Variants in CELSR1 observed in about 807,000 individuals in gnomAD.
CELSR1 encodes adhesion G protein-coupled receptor C1.
Under a neutral mutation model 249.1 loss-of-function variants are expected in CELSR1, and 110 were observed. That is an observed-to-expected ratio of 0.44 (90% CI 0.38 to 0.52). CELSR1 has a LOEUF of 0.52. Among genes scored for constraint, CELSR1 ranks in the 20% least tolerant of loss-of-function variants. The pLI is 0.00. For synonymous variants in CELSR1, 2,113 were observed against 1,900.0 expected, an observed-to-expected ratio of 1.11 and a Z score of -2.92; for missense variants, 4,109 against 4,296.4, an observed-to-expected ratio of 0.96 and a Z score of 1.22.
At chr22:46,480,377 A>T (rs1402025856) in intron 1 of CELSR1, among the ~76,000 whole-genome samples, 2 of 152,176 alleles carry the variant, frequency 1.3e-5, no homozygotes, top group African/African-American at 4.8e-5. Flanking sequence ...GATGACCAGA[A>T]ATGGGGATCC....
chr22:46,533,534 G>A (rs1602250503), intron 1 of CELSR1, 93 bp downstream of exon 1: 18 of 1,481,382 alleles, frequency 1.2e-5, no homozygotes, highest in African/African-American at 8.4e-5. Context: ...GCCCAATTGC[G>A]CCCCGGCATG....
In CELSR1 at chr22:46,463,834, C is replaced by T. The variant is rs202029675; in HGVS notation, c.4056G>A (p.Pro1352=). The T allele has an allele frequency of 3.4e-5, 54 of 1,611,544 alleles. 1 individual carries two copies. The East Asian group carries it at 7.1e-4, about 21-fold the overall frequency. The stretch of plus-strand genomic sequence containing the variant: ...CGCAGTAGTCGCCGGTGAAGCCGGG[C>T]GGGCAGCGGCAGCGCAGGCCGTTGA... ...HPINGLRCRC[P]PGFTGDYCET... Residue 1352 remains proline, a synonymous_variant, in exon 2 of 35, where the codon CCG becomes CCA. Transcript: ENST00000674500.
Position 46,492,798 on chromosome 22 carries a change from A to G in CELSR1, c.3545-28453T>C, listed in dbSNP as rs573352331. 7.0e-4 allele frequency among the ~76,000 whole-genome samples: 106 copies of G among 152,274 alleles called. 3 individuals are homozygous for G. The Middle Eastern group carries it at 0.014, about 20-fold the overall frequency. On this transcript the variant is annotated intron_variant, in intron 1 of 34. Coordinates refer to ENST00000674500, the MANE Select transcript of CELSR1 (RefSeq NM_001378328.1). Reference sequence around the variant, plus strand: ...CAGTAGAGGTTGCCAACAGTGAGCCAAGATAGCCAAGATCATGCCACTGCA... The same window carrying G: ...CAGTAGAGGTTGCCAACAGTGAGCCGAGATAGCCAAGATCATGCCACTGCA...
chr22:46,500,340 A>G lies in CELSR1; in HGVS notation c.3544+33287T>C, dbSNP rs1299061371. On this transcript the variant is annotated intron_variant, in intron 1 of 34. Coordinates refer to ENST00000674500, the MANE Select transcript of CELSR1 (RefSeq NM_001378328.1). The surrounding 1 kb of genome is among the most constrained non-coding windows in gnomAD (Gnocchi z 4.9). The stretch of plus-strand genomic sequence containing the variant: ...CTGCCTGCTGGAGATGACCTTTTAT[A>G]TGGAGCCGCTGACAGCCCCCTCCCC... Among the ~76,000 whole-genome samples the G allele has an allele frequency of 6.6e-6, 1 of 152,096 alleles. No individual in the cohort carries two copies. The highest frequency in any genetic ancestry group is 1.5e-5 in the Non-Finnish European group (1 of 68,004).
At chr22:46,415,103 A>C (rs1441927048) in intron 5 of CELSR1, among the ~76,000 whole-genome samples, 4 of 152,228 alleles carry the variant, frequency 2.6e-5, no homozygotes, top group Non-Finnish European at 5.9e-5. Flanking sequence ...AGATGTTGCC[A>C]GGAGCTCAGG....
At chr22:46,489,929 G>T (rs2080351665) in intron 1 of CELSR1, among the ~76,000 whole-genome samples, 1 of 151,138 alleles carries the variant, frequency 6.6e-6, no homozygotes, top group South Asian at 2.1e-4. Context: ...GCACTCTGTG[G>T]CCTCCAGGTT....
At chr22:46,492,352 C>T (rs182717299) in intron 1 of CELSR1, among the ~76,000 whole-genome samples, 1 of 152,352 alleles carries the variant, frequency 6.6e-6, no homozygotes, top group East Asian at 1.9e-4. Context: ...ACACTAACAA[C>T]ATGGGGCACA....
chr22:46,409,811 C>T lies in CELSR1; in HGVS notation c.5003G>A (p.Trp1668Ter). ...TGGACACTCACACAGATACATATTC[C>T]ACCTGTTGACACAGGTGCCTCCATT... ...CQNGGTCVNRWNMYLCECPLR... is the reference protein window; with the variant it reads ...CQNGGTCVNR Residue 1668 changes from tryptophan (W) to a stop codon, truncating the protein, a stop_gained, in exon 8 of 35, where the codon TGG becomes TAG. Coordinates refer to ENST00000674500, the MANE Select transcript of CELSR1 (RefSeq NM_001378328.1). LOFTEE classifies it high-confidence loss of function. The surrounding 1 kb of genome is among the most constrained non-coding windows in gnomAD (Gnocchi z 9.8). The T allele has an allele frequency of 6.2e-7, 1 of 1,613,984 alleles. No individual in the cohort carries two copies. Among genetic ancestry groups the T allele is most frequent in the Non-Finnish European group, 8.5e-7 (1 of 1,180,004 alleles).
Position 46,536,965 on chromosome 22 carries a change from C to T in CELSR1, c.206G>A (p.Arg69His). 8.7e-7 allele frequency: 1 copy of T among 1,146,804 alleles called. No individual in the cohort carries two copies. The highest frequency in any genetic ancestry group is 1.6e-5 in the African/African-American group (1 of 60,786). The allele number at this position is 1,146,804 out of a possible 1,614,324, so 71.0% of individuals were successfully genotyped here. A position where few individuals can be genotyped will look rare whatever the true frequency, so the allele number is the denominator to read the frequency against. ...CCGACGTCCTGCCAGCCGCCCATCG[C>T]GGCCCACGTCCAGCAGCTCCCGCGG... ...RAPRELLDVG[R>H]DGRLAGRRRV... Residue 69 changes from arginine to histidine, a missense_variant, in exon 1 of 35, where the codon CGC becomes CAC. Coordinates refer to ENST00000674500, the MANE Select transcript of CELSR1 (RefSeq NM_001378328.1).
intron 1 of CELSR1, among the ~76,000 whole-genome samples, chr22:46,533,363 G>C (rs555155032): frequency 6.6e-6 from 1 of 152,354 alleles, no homozygotes; most frequent in South Asian, 2.1e-4. Context: ...TGAGGAAGGC[G>C]CTGATCCCCG....
intron 22 of CELSR1, among the ~76,000 whole-genome samples, chr22:46,379,564 T>C (rs545141430): frequency 6.6e-6 from 1 of 152,318 alleles, no homozygotes; most frequent in South Asian, 2.1e-4. Context: ...GGTTCCTTTC[T>C]TCTCTCTTTT....
chr22:46,424,120 G>A (rs989234327), intron 5 of CELSR1, among the ~76,000 whole-genome samples: 1 of 152,098 alleles, frequency 6.6e-6, no homozygotes, highest in African/African-American at 2.4e-5. Flanking sequence ...AGGTTGGAGT[G>A]CAGTGGTACA....
Position 46,536,863 on chromosome 22 carries a change from C to A in CELSR1, c.308G>T (p.Arg103Leu). ...AAGGTGCGTGCGCGCCCGCAGGCGG[C>A]GGCTCAGCGCCGTCGGGGCACTGCG... ...VARSAPTALS[R>L]RLRARTHLPG... is the part of the protein sequence containing the mutation. The change falls in exon 1 of 35, where the codon CGC (arginine) becomes CTC (leucine). Residue 103 changes from arginine to leucine, a missense_variant. By Grantham distance (102) the Arg-to-Leu change is moderately radical (BLOSUM62 -2). Coordinates refer to ENST00000674500, the MANE Select transcript of CELSR1 (RefSeq NM_001378328.1). 1 of 1,229,654 alleles carries A rather than the reference C, an allele frequency of 8.1e-7. No individual in the cohort carries two copies. The highest frequency in any genetic ancestry group is 1.0e-6 in the Non-Finnish European group (1 of 981,482). The allele number at this position is 1,229,654 out of a possible 1,614,324, so 76.2% of individuals were successfully genotyped here.
intron 1 of CELSR1, among the ~76,000 whole-genome samples, chr22:46,511,341 G>A (rs2080571518): frequency 1.3e-5 from 2 of 152,254 alleles, no homozygotes; most frequent in South Asian, 4.2e-4. Context: ...AGTCTACACA[G>A]CTGGCTGCTC....
chr22:46,443,187 T>A (rs1221630862), intron 2 of CELSR1, among the ~76,000 whole-genome samples: 6 of 152,130 alleles, frequency 3.9e-5, no homozygotes, highest in Non-Finnish European at 8.8e-5. Context: ...CGAGGAGGGC[T>A]GAAATCGCTG....
intron 25 of CELSR1, chr22:46,370,281 A>G (rs2078837651): frequency 2.6e-6 from 1 of 378,520 alleles, no homozygotes; most frequent in African/African-American, 2.1e-5. Context: ...ATATACCCCC[A>G]TACCACATCC....
chr22:46,478,213 G>A (rs957330852), intron 1 of CELSR1, among the ~76,000 whole-genome samples: 4 of 152,280 alleles, frequency 2.6e-5, no homozygotes, highest in East Asian at 3.9e-4. Flanking sequence ...TCCCGACAGC[G>A]CCGTCTGGGG....
Position 46,535,164 on chromosome 22 carries a change from G to C in CELSR1, c.2007C>G (p.Ser669=), listed in dbSNP as rs2080838059. ...GCACCGTGATGGACACGCTGGTGGA[G>C]GAGCTCATGGGGGGCGAGCCGTGGT... ...AVDHGSPPMS[S]STSVSITVLD... The change falls in exon 1 of 35, where the codon TCC becomes TCG. Residue 669 remains serine (S), a synonymous_variant. Transcript: ENST00000674500. The C allele has an allele frequency of 6.2e-7, 1 of 1,609,768 alleles. No homozygotes were observed. The highest frequency in any genetic ancestry group is 1.1e-5 in the South Asian group (1 of 90,980).
rs375408834 is a variant in CELSR1, at chr22:46,364,611, G to A, written c.8680C>T (p.Arg2894Cys). 60 of 1,612,678 alleles carry A rather than the reference G, an allele frequency of 3.7e-5. No individual in the cohort carries two copies. Among genetic ancestry groups the A allele is most frequent in the African/African-American group, 3.3e-4 (25 of 75,062 alleles). ...VETKVSVELH[R>C]EEQGSHRGEY... ...CCACGGTGACTGCCCTGCTCCTCGC[G>A]GTGCAGCTCCACGCTGACCTTGGTC... Residue 2894 changes from arginine (R) to cysteine (C), a missense_variant, in exon 33 of 35, where the codon CGC becomes TGC. Physicochemically the swap from Arg to Cys is radical, Grantham distance 180. Coordinates refer to ENST00000674500, the MANE Select transcript of CELSR1 (RefSeq NM_001378328.1).
Sources: gnomAD v4.1 joint callset for allele counts (sites outside exome capture counted in the v4.1 genomes callset) on GRCh38, gnomAD v4.1.1 for gene constraint, Gnocchi (gnomAD v3.1) non-coding constraint, MANE v1.5 for transcripts, NCBI Gene and HGNC (gene_info 2026-07-23, HGNC 2026-07-21) for gene names.